The following PLEKHH1 variants were observed in gnomAD, a reference collection of about 807,000 sequenced individuals.
PLEKHH1 encodes pleckstrin homology domain-containing family H member 1.
A neutral mutation model predicts 160.0 loss-of-function variants in PLEKHH1; 104 were observed. The observed-to-expected ratio is 0.65, with a 90% CI of 0.55 to 0.76. The LOEUF (loss-of-function observed/expected upper bound fraction) is 0.76, where lower values mean the gene tolerates loss of function less well. PLEKHH1 is among the 30% of genes least tolerant of loss of function. The pLI, the probability that PLEKHH1 is intolerant of heterozygous loss-of-function variation, is 0.00. For synonymous variants in PLEKHH1, 619 were observed against 678.4 expected (o/e 0.91, Z 1.36); for missense variants, 1,427 against 1,724.1 (o/e 0.83, Z 3.05).
At chr14:67,581,596 A>G (rs1566763216) in intron 23 of PLEKHH1, 1 of 169,432 alleles carries the variant, frequency 5.9e-6, no homozygotes, top group Non-Finnish European at 1.3e-5. Flanking sequence ...ATGAGAGTGA[A>G]ATTTTGTATA....
intron 28 of PLEKHH1, 72 bp downstream of exon 28, chr14:67,586,169 G>C: frequency 6.5e-7 from 1 of 1,537,632 alleles, no homozygotes; most frequent in Non-Finnish European, 8.9e-7. Flanking sequence ...AAAGGAAACT[G>C]GGGTTATGCT....
rs1352275344 is a variant in PLEKHH1, at chr14:67,576,005, G to T, written c.2352G>T (p.Lys784Asn). ...TCCTCATTGGCACCAAGCATGAAAAGGTAAGGAAGAGGGCTGGGCCTCCAG... is the reference window on the plus strand; with the variant it reads ...TCCTCATTGGCACCAAGCATGAAAATGTAAGGAAGAGGGCTGGGCCTCCAG... ...TYLLIGTKHE[K>N]DTWLYHLTVA... Residue 784 changes from lysine (K) to asparagine (N), a missense_variant and splice_region_variant, in exon 16 of 29, where the codon AAG becomes AAT. By Grantham distance (94) the Lys-to-Asn change is moderately conservative. Coordinates refer to ENST00000329153, the MANE Select transcript of PLEKHH1 (RefSeq NM_020715.3). This position sits in a 1 kb window ranked among gnomAD's most constrained non-coding sequence, Gnocchi z 4.0. 6.2e-7 allele frequency: 1 copy of T among 1,607,038 alleles called. No individual in the cohort carries two copies. The highest frequency in any genetic ancestry group is 1.3e-5 in the African/African-American group (1 of 74,802).
At chr14:67,542,327 C>T (rs1185036837) in intron 2 of PLEKHH1, among the ~76,000 whole-genome samples, 2 of 152,078 alleles carry the variant, frequency 1.3e-5, no homozygotes, top group Non-Finnish European at 2.9e-5. Context: ...GACGGTGTTT[C>T]GGGAGAAAAC....
chr14:67,583,952 C>A, intron 25 of PLEKHH1, 43 bp from the exon 26 acceptor site: 1 of 1,612,468 alleles, frequency 6.2e-7, no homozygotes, highest in South Asian at 1.1e-5. Context: ...GAAGACACGT[C>A]GGCACTTCAT....
chr14:67,583,947 C>T, intron 25 of PLEKHH1, 48 bp from the exon 26 acceptor site: 1 of 1,612,076 alleles, frequency 6.2e-7, no homozygotes, highest in Non-Finnish European at 8.5e-7. Context: ...GGAATGAAGA[C>T]ACGTCGGCAC....
At position 67,578,217 on chromosome 14, in the gene PLEKHH1, G is replaced by A. The variant is rs2035718301; in HGVS notation, c.2751+18G>A. 1.2e-6 allele frequency: 2 copies of A among 1,609,594 alleles called. No individual in the cohort carries two copies. The highest frequency in any genetic ancestry group is 8.5e-7 in the Non-Finnish European group (1 of 1,176,844). Reference sequence around the variant, plus strand: ...TCATGCAGGTAGGCATGCCAGGGGTGGAGCAGCTGACAGAAGCCATTGGCA... The same window carrying A: ...TCATGCAGGTAGGCATGCCAGGGGTAGAGCAGCTGACAGAAGCCATTGGCA... On this transcript the variant is annotated intron_variant, in intron 19 of 28. Transcript: ENST00000329153. The surrounding 1 kb of genome is among the most constrained non-coding windows in gnomAD (Gnocchi z 5.0).
chr14:67,575,536 C>G (rs1312664290), intron 15 of PLEKHH1, 64 bp downstream of exon 15: 1 of 1,048,080 alleles, frequency 9.5e-7, no homozygotes, highest in Non-Finnish European at 1.5e-6. Context: ...GACTGCCACT[C>G]TATGTCCTGA....
chr14:67,540,625 C>CA (rs61700275), intron 1 of PLEKHH1, among the ~76,000 whole-genome samples: 2,115 of 123,090 alleles, frequency 0.017, 32 homozygotes, highest in East Asian at 0.081. Flanking sequence ...GACTCTCCCT[C>CA]AAAAAAAAAA....
intron 7 of PLEKHH1, among the ~76,000 whole-genome samples, chr14:67,568,373 C>T (rs2035208328): frequency 1.3e-5 from 2 of 152,074 alleles, no homozygotes; most frequent in Admixed American, 1.3e-4. Flanking sequence ...CATGTTCTCA[C>T]TTACAAGTGG....
At position 67,555,883 on chromosome 14, in the gene PLEKHH1, C is replaced by A; in HGVS notation, c.185C>A (p.Thr62Asn). 1 of 1,613,518 alleles carries A rather than the reference C, an allele frequency of 6.2e-7. No homozygotes were observed. Among genetic ancestry groups the A allele is most frequent in the Admixed American group, 1.7e-5 (1 of 59,990 alleles). The change falls in exon 3 of 29, where the codon ACC becomes AAC. Residue 62 changes from threonine to asparagine, a missense_variant. Transcript: ENST00000329153. ...GAGCAGAGAGCAGAGAACGCTGAGA[C>A]CCAGGTAACCAGGGGAGGGGATCGG... ...EAEQRAENAETQVGVMEEKVK... is the reference protein window; with the variant it reads ...EAEQRAENAENQVGVMEEKVK...
Position 67,573,427 on chromosome 14 carries a change from C to T in PLEKHH1, c.1839+41C>T. 8.6e-7 allele frequency: 1 copy of T among 1,161,384 alleles called. No individual in the cohort carries two copies. Among genetic ancestry groups the T allele is most frequent in the East Asian group, 2.3e-5 (1 of 42,842 alleles). 71.9% of individuals were successfully genotyped at this position (1,161,384 alleles called of 1,614,324 possible). On this transcript the variant is annotated intron_variant, in intron 12 of 28. Coordinates refer to ENST00000329153, the MANE Select transcript of PLEKHH1 (RefSeq NM_020715.3). The surrounding 1 kb of genome is among the most constrained non-coding windows in gnomAD (Gnocchi z 4.8). ...CCCAGCACTGCAGTCAAAAGGTCTC[C>T]ACATCACACCCTGGACTATGTCAGA...
In PLEKHH1 at chr14:67,573,735, G is replaced by A. The variant is rs1044096366; in HGVS notation, c.1840-66G>A. ...CTTATGACGTGGAGGAAGATCTGAG[G>A]GTAAATGAGGTGCTCCGGAAAGGCT... On this transcript the variant is annotated intron_variant, in intron 12 of 28. Transcript: ENST00000329153. This position sits in a 1 kb window ranked among gnomAD's most constrained non-coding sequence, Gnocchi z 4.8. The A allele has an allele frequency of 3.0e-6, 3 of 1,011,898 alleles. No homozygotes were observed. In the African/African-American group the frequency reaches 4.7e-5, roughly 16 times the overall value. The allele number at this position is 1,011,898 out of a possible 1,614,324, so 62.7% of individuals were successfully genotyped here. A position where few individuals can be genotyped will look rare whatever the true frequency, so the allele number is the denominator to read the frequency against.
intron 2 of PLEKHH1, among the ~76,000 whole-genome samples, chr14:67,544,573 G>A (rs2034103801): frequency 6.6e-6 from 1 of 152,208 alleles, no homozygotes; most frequent in African/African-American, 2.4e-5. Context: ...TAATGGAACT[G>A]TTGGCAAGAG....
At position 67,576,519 on chromosome 14, in the gene PLEKHH1, C is replaced by T. The variant is rs2035629500; in HGVS notation, c.2461+16C>T. ...GGAGATCCAGGTAAGGCAAGGGTGG[C>T]CACCACTGCTTGGGTTGGAGGGTAG... On this transcript the variant is annotated intron_variant, in intron 17 of 28. Coordinates refer to ENST00000329153, the MANE Select transcript of PLEKHH1 (RefSeq NM_020715.3). The surrounding 1 kb of genome is among the most constrained non-coding windows in gnomAD (Gnocchi z 4.0). 1.6e-6 allele frequency: 2 copies of T among 1,285,022 alleles called. No individual in the cohort carries two copies. The highest frequency in any genetic ancestry group is 1.7e-5 in the Admixed American group (1 of 59,290). 79.6% of individuals were successfully genotyped at this position (1,285,022 alleles called of 1,614,324 possible). A position where few individuals can be genotyped will look rare whatever the true frequency, so the allele number is the denominator to read the frequency against.
chr14:67,579,932 TG>T (rs2035812443), intron 22 of PLEKHH1, 56 bp downstream of exon 22: 2 of 1,502,798 alleles, frequency 1.3e-6, no homozygotes, highest in African/African-American at 1.4e-5. Flanking sequence ...ATATTGGTGG[TG>T]GGGAAAGAGC....
At chr14:67,564,441 G>A (rs866772638) in intron 7 of PLEKHH1, among the ~76,000 whole-genome samples, 1 of 152,194 alleles carries the variant, frequency 6.6e-6, no homozygotes, top group Middle Eastern at 3.4e-3. Context: ...TGCCAAGCTG[G>A]GCGATGGGCA....
At chr14:67,545,095 T>G (rs561085195) in intron 2 of PLEKHH1, among the ~76,000 whole-genome samples, 2 of 152,356 alleles carry the variant, frequency 1.3e-5, no homozygotes, top group African/African-American at 4.8e-5. Flanking sequence ...TTCTTTCTCA[T>G]GTAACCTTCC....
chr14:67,569,046 C>A, intron 7 of PLEKHH1, 92 bp from the exon 8 acceptor site: 3 of 848,094 alleles, frequency 3.5e-6, no homozygotes, highest in Admixed American at 2.1e-5. Flanking sequence ...GGTCTGCCCA[C>A]CCCCAAAGCC....
chr14:67,586,897 C>T, intron 28 of PLEKHH1, 177 bp from the exon 29 acceptor site: 18 of 1,530,526 alleles, frequency 1.2e-5, no homozygotes, highest in Non-Finnish European at 1.5e-5. Flanking sequence ...GAGCCCACAC[C>T]ACTGGGCCTC....
Sources: allele counts gnomAD v4.1 joint callset (sites outside exome capture counted in the v4.1 genomes callset), GRCh38; gene constraint gnomAD v4.1.1; non-coding constraint Gnocchi (gnomAD v3.1); transcripts MANE v1.5; gene names NCBI Gene and HGNC (gene_info 2026-07-23, HGNC 2026-07-21).